Variants in SEZ6L observed in about 807,000 individuals in gnomAD.
The protein encoded by SEZ6L is seizure 6-like protein.
Under a neutral mutation model 106.2 loss-of-function variants are expected in SEZ6L, and 37 were observed. That is an observed-to-expected ratio of 0.35 (90% confidence interval 0.27 to 0.46). SEZ6L has a LOEUF of 0.46. Among genes scored for constraint, SEZ6L ranks in the 20% least tolerant of loss-of-function variants. The pLI, the probability that SEZ6L is intolerant of heterozygous loss-of-function variation, is 1.00. For synonymous variants in SEZ6L, 541 were observed against 570.4 expected (o/e 0.95, Z 0.73); for missense variants, 1,172 against 1,332.8 (o/e 0.88, Z 1.88).
At chr22:26,213,735 C>G (rs1289939055) in intron 1 of SEZ6L, among the ~76,000 whole-genome samples, 1 of 152,096 alleles carries the variant, frequency 6.6e-6, no homozygotes, top group Non-Finnish European at 1.5e-5. Flanking sequence ...TTGAGACAAG[C>G]CTAAGCAAGA....
chr22:26,318,448 G>A (rs1005962481), intron 9 of SEZ6L, among the ~76,000 whole-genome samples: 2 of 150,942 alleles, frequency 1.3e-5, no homozygotes, highest in Admixed American at 1.3e-4. Context: ...TCCAAACTGA[G>A]GACCACCAGT....
At chr22:26,280,767 T>A (rs1308219727) in intron 1 of SEZ6L, among the ~76,000 whole-genome samples, 1 of 152,224 alleles carries the variant, frequency 6.6e-6, no homozygotes, top group Non-Finnish European at 1.5e-5. Flanking sequence ...TCAAAATTTA[T>A]CTATTTTTAA....
At chr22:26,290,267 C>G (rs2081067090) in intron 1 of SEZ6L, among the ~76,000 whole-genome samples, 2 of 152,180 alleles carry the variant, frequency 1.3e-5, no homozygotes, top group South Asian at 4.1e-4. Flanking sequence ...CGCGGTGGCT[C>G]ACGCCTGTAA....
At chr22:26,315,478 CA>C (rs1285971820) in intron 9 of SEZ6L, among the ~76,000 whole-genome samples, 13 of 147,036 alleles carry the variant, frequency 8.8e-5, no homozygotes, top group Non-Finnish European at 1.4e-4. Flanking sequence ...GACCTTGTCT[CA>C]AAAAAAAAAG....
intron 1 of SEZ6L, among the ~76,000 whole-genome samples, chr22:26,202,653 T>C (rs926469574): frequency 2.6e-5 from 4 of 152,230 alleles, no homozygotes; most frequent in Admixed American, 1.3e-4. Flanking sequence ...CTTACTTTTT[T>C]TCAGATGAGG....
At chr22:26,302,732 A>G (rs1220526457) in intron 5 of SEZ6L, among the ~76,000 whole-genome samples, 1 of 152,196 alleles carries the variant, frequency 6.6e-6, no homozygotes, top group African/African-American at 2.4e-5. Context: ...TATGTGTGAA[A>G]TCAGGGAGGA....
chr22:26,190,085 A>C (rs1940090003), intron 1 of SEZ6L, among the ~76,000 whole-genome samples: 2 of 151,770 alleles, frequency 1.3e-5, no homozygotes, highest in Non-Finnish European at 2.9e-5. Flanking sequence ...CGACAGAGCA[A>C]GACTGTGTCT....
intron 9 of SEZ6L, among the ~76,000 whole-genome samples, chr22:26,332,999 G>C (rs2082535445): frequency 1.3e-5 from 2 of 152,210 alleles, no homozygotes; most frequent in South Asian, 2.1e-4. Flanking sequence ...ATACTTGGCG[G>C]ACAGCACTGT....
rs1229794374 is a variant in SEZ6L, at chr22:26,316,892, G to GAAAGAAAGAA, written c.2015+2991_2015+2992insAAGAAAGAAA. Among the ~76,000 whole-genome samples, 576 of 103,724 alleles carry GAAAGAAAGAA rather than the reference G, an allele frequency of 5.6e-3. 5 individuals carry two copies. Among genetic ancestry groups the GAAAGAAAGAA allele is most frequent in the African/African-American group, 0.02 (544 of 27,114 alleles). The allele number at this position is 103,724 out of a possible 152,430, so 68.0% of individuals were successfully genotyped here. On this transcript the variant is annotated intron_variant, in intron 9 of 16. Transcript: ENST00000248933. ...AGAAGGAAAGAAAGAAAGAAAGAAA[G>GAAAGAAAGAA]AGAAAGAAAGAAGAAAGAAAGAAAG...
In SEZ6L at chr22:26,294,437, A is replaced by G. The variant is rs762995110; in HGVS notation, c.969+12A>G. The G allele has an allele frequency of 1.2e-6, 2 of 1,612,984 alleles. No homozygotes were observed. Among genetic ancestry groups the G allele is most frequent in the Non-Finnish European group, 1.7e-6 (2 of 1,179,302 alleles). ...GGGTGGAGCTCCAGGTAACCCCAGG[A>G]GAGTACCTCACAGAGGCTGCCTCGT... On this transcript the variant is annotated intron_variant, in intron 3 of 16. Coordinates refer to ENST00000248933, the MANE Select transcript of SEZ6L (RefSeq NM_021115.5).
At chr22:26,290,391 G>A (rs1284246639) in intron 1 of SEZ6L, among the ~76,000 whole-genome samples, 1 of 152,154 alleles carries the variant, frequency 6.6e-6, no homozygotes, top group Non-Finnish European at 1.5e-5. Context: ...AATTAGCTGG[G>A]CATGGTGGCA....
intron 14 of SEZ6L, among the ~76,000 whole-genome samples, chr22:26,374,159 TA>T (rs1469591275): frequency 6.6e-6 from 1 of 152,110 alleles, no homozygotes; most frequent in Non-Finnish European, 1.5e-5. Flanking sequence ...GACTGTGATG[TA>T]AAATATATAC....
rs1252824321 is a variant in SEZ6L, at chr22:26,283,074, G to A, written c.95-9332G>A. 1.7e-4 allele frequency among the ~76,000 whole-genome samples: 26 copies of A among 151,952 alleles called. 1 individual carries two copies. Among genetic ancestry groups the A allele is most frequent in the Middle Eastern group, 3.4e-3 (1 of 294 alleles). On this transcript the variant is annotated intron_variant, in intron 1 of 16. Transcript: ENST00000248933. ...TAGCTGGGACTACTACAGGTGTGCC[G>A]CCACACCTGGCTAATTTTTGTATTT...
intron 12 of SEZ6L, among the ~76,000 whole-genome samples, chr22:26,355,468 C>CT (rs2083410131): frequency 6.6e-6 from 1 of 152,204 alleles, no homozygotes; most frequent in African/African-American, 2.4e-5. Flanking sequence ...TGGCTCACGC[C>CT]TGTAATCCCA....
rs1409926910 is a variant in SEZ6L at position 26,381,112 on chromosome 22, C to T, written c.*817C>T. 1.3e-5 allele frequency: 2 copies of T among 152,080 alleles called. No individual in the cohort carries two copies. Among genetic ancestry groups the T allele is most frequent in the East Asian group, 3.9e-4 (2 of 5,180 alleles). The allele number at this position is 152,080 out of a possible 1,614,324, so 9.4% of individuals were successfully genotyped here. A position where few individuals can be genotyped will look rare whatever the true frequency, so the allele number is the denominator to read the frequency against. On this transcript the variant is annotated 3_prime_UTR_variant, in exon 17 of 17. Coordinates refer to ENST00000248933, the MANE Select transcript of SEZ6L (RefSeq NM_021115.5). Reference sequence around the variant, plus strand: ...ATGATGAAAGAGCGTGTAATTTATGCTACAAGTGCCAGAATCGATCACCAT... The same window carrying T: ...ATGATGAAAGAGCGTGTAATTTATGTTACAAGTGCCAGAATCGATCACCAT...
At chr22:26,279,895 G>A (rs1267596025) in intron 1 of SEZ6L, among the ~76,000 whole-genome samples, 1 of 152,128 alleles carries the variant, frequency 6.6e-6, no homozygotes, top group Admixed American at 6.5e-5. Context: ...AGAAGGCTGG[G>A]GTTTGTTCTC....
intron 1 of SEZ6L, among the ~76,000 whole-genome samples, chr22:26,191,509 C>G (rs1338001907): frequency 1.3e-5 from 2 of 150,924 alleles, no homozygotes; most frequent in African/African-American, 2.4e-5. Flanking sequence ...ACTGCATGCT[C>G]TCACTTGTAA....
chr22:26,281,149 T>C (rs1037762717), intron 1 of SEZ6L, among the ~76,000 whole-genome samples: 1 of 151,770 alleles, frequency 6.6e-6, no homozygotes, highest in African/African-American at 2.4e-5. Context: ...TAACTACTCC[T>C]GAATTAATGG....
At chr22:26,259,712 G>A (rs1030795892) in intron 1 of SEZ6L, among the ~76,000 whole-genome samples, 1 of 152,160 alleles carries the variant, frequency 6.6e-6, no homozygotes, top group African/African-American at 2.4e-5. Context: ...GCACCCATGC[G>A]GGGTGCTGTC....
Sources: gnomAD v4.1 joint callset for allele counts (sites outside exome capture counted in the v4.1 genomes callset) on GRCh38, gnomAD v4.1.1 for gene constraint, MANE v1.5 for transcripts, NCBI Gene and HGNC (gene_info 2026-07-23, HGNC 2026-07-21) for gene names.